The following DTD1 variants were observed in gnomAD, a reference collection of about 807,000 sequenced individuals.
DTD1 encodes the protein D-tyrosyl-tRNA deacylase 1 homolog.
Under a neutral mutation model 25.6 loss-of-function variants are expected in DTD1, and 13 were observed. The observed-to-expected ratio is 0.51, with a 90% CI of 0.33 to 0.81. The LOEUF is 0.81. Ranked by LOEUF, DTD1 falls within the 30% of genes least tolerant of loss-of-function variation. The pLI is 0.02. For missense variants in DTD1, 193 were observed against 266.4 expected, an observed-to-expected ratio of 0.72 and a Z score of 1.92; for synonymous variants, 110 against 103.6, an observed-to-expected ratio of 1.06 and a Z score of -0.37.
intron 4 of DTD1, among the ~76,000 whole-genome samples, chr20:18,662,432 G>A (rs1356119747): frequency 6.6e-6 from 1 of 152,042 alleles, no homozygotes; most frequent in Non-Finnish European, 1.5e-5. Context: ...GGGGTGGGGG[G>A]GAGAGTATTT....
At chr20:18,679,503 C>T (rs913812032) in intron 4 of DTD1, among the ~76,000 whole-genome samples, 2 of 151,994 alleles carry the variant, frequency 1.3e-5, no homozygotes, top group African/African-American at 4.8e-5. Context: ...AAATAATTAC[C>T]CTTTCTGGTA....
intron 1 of DTD1, among the ~76,000 whole-genome samples, chr20:18,589,054 A>G (rs2095812957): frequency 6.6e-6 from 1 of 152,172 alleles, no homozygotes; most frequent in African/African-American, 2.4e-5. Context: ...AAAAGTATGA[A>G]TTAAAAACAA....
At position 18,677,640 on chromosome 20, in the gene DTD1, A is replaced by G. The variant is rs145066478; in HGVS notation, c.477+49407A>G. Among the ~76,000 whole-genome samples the G allele has an allele frequency of 5.4e-3, 827 of 152,326 alleles. 12 individuals are homozygous for G. Among genetic ancestry groups the G allele is most frequent in the African/African-American group, 0.019 (784 of 41,564 alleles). On this transcript the variant is annotated intron_variant, in intron 4 of 5. Transcript: ENST00000377452. The stretch of plus-strand genomic sequence containing the variant: ...CAGATGTTTACTTTCCAGAGTGTCT[A>G]GAACCTTCCACCGATACAGTTTTAT...
At chr20:18,708,264 TTTATATATATATA>T (rs1568676846) in intron 4 of DTD1, among the ~76,000 whole-genome samples, 2,567 of 15,676 alleles carry the variant, frequency 0.16, 376 homozygotes, top group South Asian at 0.25. Flanking sequence ...ATATATATAT[TTTATATATATATA>T]ATATATATTA....
At chr20:18,616,742 G>A (rs146138587) in intron 3 of DTD1, among the ~76,000 whole-genome samples, 26 of 152,358 alleles carry the variant, frequency 1.7e-4, no homozygotes, top group African/African-American at 6.0e-4. Flanking sequence ...AGGAGTTCAA[G>A]GCAGCAGCAA....
At chr20:18,592,850 T>C (rs1028185124) in intron 1 of DTD1, among the ~76,000 whole-genome samples, 1 of 151,968 alleles carries the variant, frequency 6.6e-6, no homozygotes, top group Non-Finnish European at 1.5e-5. Context: ...GCCCGGCTAA[T>C]TTTTGTATTT....
intron 1 of DTD1, among the ~76,000 whole-genome samples, chr20:18,590,724 C>T (rs979310926): frequency 5.3e-5 from 8 of 152,190 alleles, no homozygotes; most frequent in Admixed American, 3.9e-4. Flanking sequence ...TTGCCTGCCT[C>T]GGCTTCCCAA....
At chr20:18,599,883 A>C (rs1044478166) in intron 3 of DTD1, among the ~76,000 whole-genome samples, 1 of 152,134 alleles carries the variant, frequency 6.6e-6, no homozygotes, top group African/African-American at 2.4e-5. Context: ...ACTGTGTTTT[A>C]AGAGTTCTTT....
At chr20:18,741,123 A>G (rs2061276239) in intron 4 of DTD1, among the ~76,000 whole-genome samples, 1 of 152,240 alleles carries the variant, frequency 6.6e-6, no homozygotes, top group African/African-American at 2.4e-5. Context: ...CAAAACTGAG[A>G]CGGCATCTTA....
chr20:18,607,207 AG>A (rs2060663450), intron 3 of DTD1, among the ~76,000 whole-genome samples: 1 of 152,170 alleles, frequency 6.6e-6, no homozygotes, highest in South Asian at 2.1e-4. Context: ...ACTGTTGTCC[AG>A]GCTGGAGTGC....
At chr20:18,672,950 C>T (rs567623445) in intron 4 of DTD1, among the ~76,000 whole-genome samples, 81 of 152,270 alleles carry the variant, frequency 5.3e-4, no homozygotes, top group African/African-American at 1.8e-3. Flanking sequence ...AAAAAGCGAG[C>T]GGGCCCTGTC....
At chr20:18,624,149 T>C (rs963485064) in intron 3 of DTD1, among the ~76,000 whole-genome samples, 3 of 152,106 alleles carry the variant, frequency 2.0e-5, no homozygotes, top group Admixed American at 2.0e-4. Flanking sequence ...AACCCTGCCA[T>C]GAAGCCCTTC....
At position 18,708,309 on chromosome 20, in the gene DTD1, TTA is replaced by T. The variant is rs1334556375; in HGVS notation, c.478-35781_478-35780del. Among the ~76,000 whole-genome samples, 363 of 44,102 alleles carry T rather than the reference TTA, an allele frequency of 8.2e-3. 10 individuals carry two copies. The highest frequency in any genetic ancestry group is 0.012 in the Non-Finnish European group (295 of 23,870). 28.9% of individuals were successfully genotyped at this position (44,102 alleles called of 152,430 possible). A position where few individuals can be genotyped will look rare whatever the true frequency, so the allele number is the denominator to read the frequency against. On this transcript the variant is annotated intron_variant, in intron 4 of 5. Transcript: ENST00000377452. ...ATTATATATATATAATATATATATT[TTA>T]TATATATATTATATATATATATTTT...
At chr20:18,690,303 T>G (rs1600371088) in intron 4 of DTD1, among the ~76,000 whole-genome samples, 2 of 152,292 alleles carry the variant, frequency 1.3e-5, no homozygotes, top group East Asian at 3.9e-4. Flanking sequence ...GTTATCTGTT[T>G]ACTCTATGGA....
chr20:18,693,338 G>GCCAGC (rs2061055690), intron 4 of DTD1, among the ~76,000 whole-genome samples: 1 of 152,108 alleles, frequency 6.6e-6, no homozygotes, highest in Non-Finnish European at 1.5e-5. Flanking sequence ...ATTGTTTGTT[G>GCCAGC]TTTTCTGCCA....
At chr20:18,734,467 C>G (rs2061248825) in intron 4 of DTD1, among the ~76,000 whole-genome samples, 1 of 152,188 alleles carries the variant, frequency 6.6e-6, no homozygotes, top group African/African-American at 2.4e-5. Flanking sequence ...TCTCATCTTG[C>G]TACAAAGGGC....
chr20:18,618,349 TG>T (rs2060717648), intron 3 of DTD1, among the ~76,000 whole-genome samples: 1 of 151,900 alleles, frequency 6.6e-6, no homozygotes, highest in African/African-American at 2.4e-5. Context: ...TTTTTGTTTT[TG>T]TTTTTTTGTT....
Position 18,749,206 on chromosome 20 carries a change from C to T in DTD1, c.*19+4935C>T, listed in dbSNP as rs773314729. On this transcript the variant is annotated intron_variant, in intron 5 of 5. Transcript: ENST00000377452. The surrounding 1 kb of genome is among the most constrained non-coding windows in gnomAD (Gnocchi z 4.2). ...GTTGGGTTGCAGGAAACTTGGAAGCCGTGACAGGGATTCTGGAGGGAGAGC... is the reference window on the plus strand; with the variant it reads ...GTTGGGTTGCAGGAAACTTGGAAGCTGTGACAGGGATTCTGGAGGGAGAGC... Among the ~76,000 whole-genome samples, 34 of 152,106 alleles carry T rather than the reference C, an allele frequency of 2.2e-4. No individual in the cohort carries two copies. Among genetic ancestry groups the T allele is most frequent in the Non-Finnish European group, 3.5e-4 (24 of 68,002 alleles).
At chr20:18,649,874 A>G (rs2060867209) in intron 4 of DTD1, among the ~76,000 whole-genome samples, 1 of 152,192 alleles carries the variant, frequency 6.6e-6, no homozygotes, top group African/African-American at 2.4e-5. Context: ...GCTCATGCTC[A>G]TGCGCCACAG....
Sources: gnomAD v4.1 joint callset for allele counts (sites outside exome capture counted in the v4.1 genomes callset) on GRCh38, gnomAD v4.1.1 for gene constraint, Gnocchi (gnomAD v3.1) non-coding constraint, MANE v1.5 for transcripts, NCBI Gene and HGNC (gene_info 2026-07-23, HGNC 2026-07-21) for gene names.